HDAC9: variants seen among roughly 807,000 people sequenced by gnomAD.
HDAC9 encodes the protein MEF-2 interacting transcription repressor (MITR) protein.
A neutral mutation model predicts 139.4 loss-of-function variants in HDAC9; 41 were observed. The observed-to-expected ratio is 0.29, with a 90% CI of 0.23 to 0.38. HDAC9 has a LOEUF of 0.38. Among genes scored for constraint, HDAC9 ranks in the 10% least tolerant of loss-of-function variants. The pLI, the probability that HDAC9 is intolerant of heterozygous loss-of-function variation, is 1.00. For synonymous variants in HDAC9, 517 were observed against 476.2 expected (o/e 1.09, Z -1.12); for missense variants, 1,147 against 1,297.0 (o/e 0.88, Z 1.78).
exon 2 of HDAC9, chr7:18,162,261 G>T (rs754294483): frequency 1.5e-4 from 221 of 1,460,638 alleles, no homozygotes; most frequent in Non-Finnish European, 2.0e-4. Flanking sequence ...CTGGACCATT[G>T]TCAGCAGTTG....
At chr7:18,226,837 G>T (rs1793088682) in intron 2 of HDAC9, among the ~76,000 whole-genome samples, 1 of 152,216 alleles carries the variant, frequency 6.6e-6, no homozygotes, top group South Asian at 2.1e-4. Flanking sequence ...AGATCTCAGA[G>T]TGAGTTGTGA....
intron 1 of HDAC9, among the ~76,000 whole-genome samples, chr7:18,338,668 A>C (rs2128657837): frequency 6.6e-6 from 1 of 151,636 alleles, no homozygotes; most frequent in South Asian, 2.1e-4. Flanking sequence ...AAGGTATATA[A>C]TGCTTTTTAT....
intron 21 of HDAC9, among the ~76,000 whole-genome samples, chr7:18,859,856 A>ATATATATATATATATATATG (rs1554381815): frequency 8.5e-6 from 1 of 117,252 alleles, no homozygotes; most frequent in African/African-American, 3.3e-5. Context: ...ATATATATAT[A>ATATATATATATATATATATG]TATGTGAGAG....
At chr7:18,263,212 C>G (rs929652116) in intron 2 of HDAC9, among the ~76,000 whole-genome samples, 1 of 152,134 alleles carries the variant, frequency 6.6e-6, no homozygotes, top group Non-Finnish European at 1.5e-5. Flanking sequence ...GAGCTGACTA[C>G]ACTAATATCA....
At chr7:18,793,302 G>C in intron 16 of HDAC9, 43 bp from the exon 17 acceptor site, 1 of 1,342,988 alleles carries the variant, frequency 7.4e-7, no homozygotes, top group Non-Finnish European at 1.0e-6. Context: ...CTTCTCTTTC[G>C]CTTTCTTCTT....
At chr7:18,256,561 A>C (rs551987763) in intron 2 of HDAC9, among the ~76,000 whole-genome samples, 1 of 152,304 alleles carries the variant, frequency 6.6e-6, no homozygotes, top group South Asian at 2.1e-4. Context: ...AGCATAATTC[A>C]TTGTCATCAG....
chr7:18,958,939 A>C (rs1783343195), intron 24 of HDAC9, among the ~76,000 whole-genome samples: 1 of 152,126 alleles, frequency 6.6e-6, no homozygotes, highest in South Asian at 2.1e-4. Context: ...TGGGGTGACA[A>C]TTCTCAGAGC....
chr7:18,152,832 A>G (rs1467096954), intron 1 of HDAC9, among the ~76,000 whole-genome samples: 1 of 152,234 alleles, frequency 6.6e-6, no homozygotes, highest in South Asian at 2.1e-4. Flanking sequence ...AGAAAAGTCA[A>G]TACTAATTAT....
At chr7:18,616,383 G>A (rs189466777) in intron 6 of HDAC9, among the ~76,000 whole-genome samples, 1 of 152,156 alleles carries the variant, frequency 6.6e-6, no homozygotes, top group East Asian at 1.9e-4. Flanking sequence ...ATTTGTTTGC[G>A]ATGCCTTTAT....
At chr7:18,470,923 A>G (rs929873468) in intron 1 of HDAC9, among the ~76,000 whole-genome samples, 2 of 152,040 alleles carry the variant, frequency 1.3e-5, no homozygotes, top group African/African-American at 4.8e-5. Flanking sequence ...CTTTCATTTT[A>G]TTTATATACT....
chr7:18,424,176 C>G (rs902157125), intron 1 of HDAC9, among the ~76,000 whole-genome samples: 13 of 152,096 alleles, frequency 8.5e-5, no homozygotes, highest in Non-Finnish European at 8.8e-5. Flanking sequence ...AGTCAATTTC[C>G]AAATGTTTAC....
intron 1 of HDAC9, among the ~76,000 whole-genome samples, chr7:18,466,814 G>T (rs896143429): frequency 1.3e-5 from 2 of 152,134 alleles, no homozygotes; most frequent in African/African-American, 2.4e-5. Flanking sequence ...CACAATCTGT[G>T]GTCTGCCCAC....
intron 1 of HDAC9, among the ~76,000 whole-genome samples, chr7:18,437,259 A>T (rs1162947239): frequency 6.6e-6 from 1 of 152,040 alleles, no homozygotes; most frequent in African/African-American, 2.4e-5. Flanking sequence ...ATATTCAAGA[A>T]CACTAAAGCC....
intron 17 of HDAC9, among the ~76,000 whole-genome samples, chr7:18,793,882 A>G (rs1792550741): frequency 6.6e-6 from 1 of 152,172 alleles, no homozygotes; most frequent in Non-Finnish European, 1.5e-5. Flanking sequence ...CCAGACGGGA[A>G]GGATTGGGAG....
intron 17 of HDAC9, among the ~76,000 whole-genome samples, chr7:18,820,762 G>A (rs1794905293): frequency 6.6e-6 from 1 of 152,076 alleles, no homozygotes; most frequent in Non-Finnish European, 1.5e-5. Flanking sequence ...TTGGGGAGTG[G>A]GGAGGAGGAC....
chr7:18,446,879 T>A (rs1294722762), intron 1 of HDAC9, among the ~76,000 whole-genome samples: 1 of 152,218 alleles, frequency 6.6e-6, no homozygotes, highest in African/African-American at 2.4e-5. Flanking sequence ...GTAACATGAT[T>A]AATTTTTTTC....
intron 1 of HDAC9, among the ~76,000 whole-genome samples, chr7:18,298,868 T>C (rs971152799): frequency 6.6e-6 from 1 of 152,182 alleles, no homozygotes; most frequent in African/African-American, 2.4e-5. Flanking sequence ...TATTAAAAGT[T>C]TCATATCAGC....
At chr7:18,414,606 T>C (rs555024274) in intron 1 of HDAC9, among the ~76,000 whole-genome samples, 26 of 152,316 alleles carry the variant, frequency 1.7e-4, no homozygotes, top group African/African-American at 5.1e-4. Context: ...ACCTCTGAGA[T>C]ATAAATTTTT....
intron 6 of HDAC9, among the ~76,000 whole-genome samples, chr7:18,624,597 T>A (rs1486465313): frequency 6.6e-6 from 1 of 152,080 alleles, no homozygotes; most frequent in Non-Finnish European, 1.5e-5. Flanking sequence ...TCTCCCCAGC[T>A]AGTGATCTTT....
Sources: allele counts gnomAD v4.1 joint callset (sites outside exome capture counted in the v4.1 genomes callset), GRCh38; gene constraint gnomAD v4.1.1; transcripts MANE v1.5; gene names NCBI Gene and HGNC (gene_info 2026-07-23, HGNC 2026-07-21).